Variants in FAM193A observed in about 807,000 individuals in gnomAD.
FAM193A encodes the protein family with sequence similarity 193 member A.
A neutral mutation model predicts 126.5 loss-of-function variants in FAM193A; 22 were observed. That is an observed-to-expected ratio of 0.17 (90% CI 0.12 to 0.25). The LOEUF is 0.25. FAM193A is among the 10% of genes least tolerant of loss of function. The pLI is 1.00. For missense variants in FAM193A, 1,675 were observed against 1,672.8 expected (o/e 1.00, Z -0.02); for synonymous variants, 761 against 646.8 (o/e 1.18, Z -2.68).
chr4:2,640,597 T>C (rs1237963232), intron 6 of FAM193A, among the ~76,000 whole-genome samples: 2 of 152,216 alleles, frequency 1.3e-5, no homozygotes, highest in East Asian at 1.9e-4. Flanking sequence ...TGGTGTTTTA[T>C]TCTATTTACC....
At chr4:2,722,142 G>T (rs11725776) in intron 20 of FAM193A, among the ~76,000 whole-genome samples, 10,591 of 152,270 alleles carry the variant, frequency 0.07, 653 homozygotes, top group African/African-American at 0.16. Flanking sequence ...ACGGTTAGCA[G>T]TGTCAGGTTT....
chr4:2,556,143 G>A (rs767968489), intron 1 of FAM193A, among the ~76,000 whole-genome samples: 1 of 152,020 alleles, frequency 6.6e-6, no homozygotes, highest in Admixed American at 6.6e-5. Context: ...TGATCCGTCC[G>A]CCTTGGCCTC....
chr4:2,554,373 C>A (rs748435760), intron 1 of FAM193A, among the ~76,000 whole-genome samples: 4 of 152,100 alleles, frequency 2.6e-5, no homozygotes, highest in Admixed American at 1.3e-4. Flanking sequence ...TTGAAACCAC[C>A]GTGTCCGGCC....
intron 7 of FAM193A, among the ~76,000 whole-genome samples, chr4:2,652,399 A>T (rs545907319): frequency 6.6e-6 from 1 of 152,336 alleles, no homozygotes; most frequent in South Asian, 2.1e-4. Context: ...TTGCATTGCT[A>T]TAAAGAAATA....
rs73207340 is a variant in FAM193A at position 2,614,860 on chromosome 4, T to C, written c.502-10402T>C. On this transcript the variant is annotated intron_variant, in intron 2 of 20. Coordinates refer to ENST00000637812, the MANE Select transcript of FAM193A (RefSeq NM_001366318.2). ...TTAAGGAAATTTGCCCATTTTATAT[T>C]AAATGTTGTGACATAAAGTTGTTCA... 8.0e-3 allele frequency among the ~76,000 whole-genome samples: 1,218 copies of C among 152,340 alleles called. 10 individuals are homozygous for C. The highest frequency in any genetic ancestry group is 0.014 in the Non-Finnish European group (920 of 68,024).
intron 12 of FAM193A, among the ~76,000 whole-genome samples, chr4:2,666,135 A>G (rs1713086761): frequency 6.6e-6 from 1 of 152,248 alleles, no homozygotes; most frequent in Admixed American, 6.5e-5. Flanking sequence ...GGTTTTTCAT[A>G]GATGCCCTTT....
intron 19 of FAM193A, among the ~76,000 whole-genome samples, chr4:2,711,818 T>C (rs749002032): frequency 6.6e-6 from 1 of 152,008 alleles, no homozygotes; most frequent in Non-Finnish European, 1.5e-5. Flanking sequence ...TCCCAGCTAC[T>C]GTGGAGGCTG....
intron 13 of FAM193A, among the ~76,000 whole-genome samples, chr4:2,683,522 G>C: frequency 6.6e-6 from 1 of 152,212 alleles, no homozygotes; most frequent in Admixed American, 6.5e-5. Context: ...TTGAACCCCT[G>C]ACCTCAGGTG....
At chr4:2,651,515 A>G (rs1271798947) in intron 7 of FAM193A, among the ~76,000 whole-genome samples, 1 of 152,136 alleles carries the variant, frequency 6.6e-6, no homozygotes, top group Non-Finnish European at 1.5e-5. Context: ...AAGAGGGGAA[A>G]TGCCACACTT....
intron 1 of FAM193A, among the ~76,000 whole-genome samples, chr4:2,582,910 T>G (rs1241611668): frequency 6.6e-6 from 1 of 152,224 alleles, no homozygotes; most frequent in Non-Finnish European, 1.5e-5. Context: ...GCTTTTTGAC[T>G]TGGAAGTGTG....
At chr4:2,560,546 C>T (rs1410316211) in intron 1 of FAM193A, among the ~76,000 whole-genome samples, 3 of 152,118 alleles carry the variant, frequency 2.0e-5, no homozygotes, top group East Asian at 1.9e-4. Flanking sequence ...TTCTTTGGGA[C>T]GTCTTTTGTC....
chr4:2,660,394 G>A (rs1454244900), intron 10 of FAM193A, among the ~76,000 whole-genome samples: 1 of 152,196 alleles, frequency 6.6e-6, no homozygotes, highest in Non-Finnish European at 1.5e-5. Flanking sequence ...TGTCAGCCCA[G>A]CACTCATGCT....
chr4:2,699,322 C>T (rs1174402098), intron 18 of FAM193A, among the ~76,000 whole-genome samples: 3 of 152,170 alleles, frequency 2.0e-5, no homozygotes, highest in Non-Finnish European at 2.9e-5. Context: ...GATGCCCTGC[C>T]GCACCTGTGA....
intron 1 of FAM193A, among the ~76,000 whole-genome samples, chr4:2,590,686 T>C (rs1484334500): frequency 6.6e-6 from 1 of 151,876 alleles, no homozygotes; most frequent in African/African-American, 2.4e-5. Context: ...AAGATGGACA[T>C]GTGAAAGATA....
intron 6 of FAM193A, among the ~76,000 whole-genome samples, chr4:2,641,430 G>A (rs909220339): frequency 6.6e-6 from 1 of 151,958 alleles, no homozygotes; most frequent in Non-Finnish European, 1.5e-5. Flanking sequence ...AGGCCGAGGC[G>A]GGCAGATCAC....
At chr4:2,681,631 T>C (rs1040815632) in intron 13 of FAM193A, among the ~76,000 whole-genome samples, 2 of 152,006 alleles carry the variant, frequency 1.3e-5, no homozygotes, top group Non-Finnish European at 2.9e-5. Context: ...TGTCTGTCTA[T>C]GTATTTATTT....
At position 2,550,590 on chromosome 4, in the gene FAM193A, CCA is replaced by C. The variant is rs754553901; in HGVS notation, c.255+13424_255+13425del. The stretch of plus-strand genomic sequence containing the variant: ...TAGCTGGGATTACAGGCATAAGCCA[CCA>C]CACCCAGCTAATTTTGTATTTTTAG... On this transcript the variant is annotated intron_variant, in intron 1 of 20. Transcript: ENST00000637812. 1.0e-3 allele frequency among the ~76,000 whole-genome samples: 157 copies of C among 151,524 alleles called. 1 individual carries two copies. Among genetic ancestry groups the C allele is most frequent in the East Asian group, 3.9e-4 (2 of 5,118 alleles).
At chr4:2,706,143 G>T (rs1718273307) in intron 19 of FAM193A, among the ~76,000 whole-genome samples, 1 of 152,138 alleles carries the variant, frequency 6.6e-6, no homozygotes, top group Non-Finnish European at 1.5e-5. Context: ...AGGTGTTTGA[G>T]ATTACAATGA....
chr4:2,657,282 CT>C (rs1711823035), intron 7 of FAM193A, among the ~76,000 whole-genome samples: 1 of 152,136 alleles, frequency 6.6e-6, no homozygotes, highest in South Asian at 2.1e-4. Flanking sequence ...ACAGAACCGA[CT>C]TTCGGTTTTA....
Sources: gnomAD v4.1 joint callset for allele counts (sites outside exome capture counted in the v4.1 genomes callset) on GRCh38, gnomAD v4.1.1 for gene constraint, MANE v1.5 for transcripts, NCBI Gene and HGNC (gene_info 2026-07-23, HGNC 2026-07-21) for gene names.